Variants in GRIP2 observed in about 807,000 individuals in gnomAD.
GRIP2 encodes glutamate receptor-interacting protein 2.
In GRIP2, 58 loss-of-function variants were observed where a neutral mutation model predicts 108.3. That is an observed-to-expected ratio of 0.54 (90% CI 0.43 to 0.67). GRIP2 has a LOEUF of 0.67. Among genes scored for constraint, GRIP2 ranks in the 30% least tolerant of loss-of-function variants. The pLI, the probability that GRIP2 is intolerant of heterozygous loss-of-function variation, is 0.00. For missense variants in GRIP2, 1,278 were observed against 1,430.6 expected, an observed-to-expected ratio of 0.89 and a Z score of 1.72; for synonymous variants, 586 against 598.2, an observed-to-expected ratio of 0.98 and a Z score of 0.30.
chr3:14,498,402 G>T (rs1693675030), intron 21 of GRIP2, among the ~76,000 whole-genome samples: 1 of 152,160 alleles, frequency 6.6e-6, no homozygotes. Context: ...GGTGAAGGTT[G>T]CAGTGAGCTG....
At chr3:14,576,314 G>A in the GRIP2 span, among the ~76,000 whole-genome samples, 1 of 152,250 alleles carries the variant, frequency 6.6e-6, no homozygotes, top group South Asian at 2.1e-4. Flanking sequence ...AGATGCGGGT[G>A]CTGTGAGTCC....
the GRIP2 span, among the ~76,000 whole-genome samples, chr3:14,582,708 C>G: frequency 6.6e-6 from 1 of 152,208 alleles, no homozygotes; most frequent in Non-Finnish European, 1.5e-5. Context: ...TCTCATCATT[C>G]AGGAAGTCTT....
chr3:14,540,510 A>G, upstream of GRIP2: 1 of 1,247,826 alleles, frequency 8.0e-7, no homozygotes, highest in Non-Finnish European at 1.1e-6. This position sits in a 1 kb window ranked among gnomAD's most constrained non-coding sequence, Gnocchi z 4.1. Flanking sequence ...GACAGGGTCC[A>G]ACATGCCCCA....
Position 14,491,273 on chromosome 3 carries a change from C to T in GRIP2, c.*2392G>A, listed in dbSNP as rs1015241879. The T allele has an allele frequency of 1.6e-4, 24 of 152,334 alleles. No homozygotes were observed. Among genetic ancestry groups the T allele is most frequent in the Admixed American group, 8.5e-4 (13 of 15,296 alleles). 9.4% of individuals were successfully genotyped at this position (152,334 alleles called of 1,614,324 possible). On this transcript the variant is annotated 3_prime_UTR_variant, in exon 24 of 24. Coordinates refer to ENST00000621039, the MANE Select transcript of GRIP2 (RefSeq NM_001080423.4). The stretch of plus-strand genomic sequence containing the variant: ...GACTTAGACGAGGGCCCCAAACAGA[C>T]CATAAGCGGCCTTTGCAATACAGCC...
chr3:14,540,357 C>G, upstream of GRIP2: 1 of 1,612,012 alleles, frequency 6.2e-7, no homozygotes, highest in Non-Finnish European at 8.5e-7. The surrounding 1 kb of genome is among the most constrained non-coding windows in gnomAD (Gnocchi z 4.1). Context: ...GGGAGCCACG[C>G]TGCTTGGCCC....
At chr3:14,595,399 C>T in the GRIP2 span, among the ~76,000 whole-genome samples, 1 of 152,158 alleles carries the variant, frequency 6.6e-6, no homozygotes, top group South Asian at 2.1e-4. Context: ...ACTCTTCAGC[C>T]CCTCCCCCAC....
the GRIP2 span, among the ~76,000 whole-genome samples, chr3:14,562,035 TG>T: frequency 2.0e-5 from 3 of 152,198 alleles, no homozygotes; most frequent in Non-Finnish European, 4.4e-5. Context: ...AAATGACAGA[TG>T]TAACAGATAA....
Position 14,494,968 on chromosome 3 carries a change from T to C in GRIP2, c.2845A>G (p.Met949Val). The change falls in exon 23 of 24, where the codon ATG becomes GTG. Residue 949 changes from methionine (M) to valine (V), a missense_variant. Coordinates refer to ENST00000621039, the MANE Select transcript of GRIP2 (RefSeq NM_001080423.4). The part of the protein sequence containing the change: ...MHKVTLHKDP[M>V]RHDFGFSVSD... ...ACGCTGAAACCAAAGTCATGCCGCA[T>C]GGGGTCCTTGTGCAGGGTCACCTGG... 3 of 1,613,916 alleles carry C rather than the reference T, an allele frequency of 1.9e-6. No homozygotes were observed. Among genetic ancestry groups the C allele is most frequent in the Non-Finnish European group, 2.5e-6 (3 of 1,179,840 alleles).
At chr3:14,581,547 C>T in the GRIP2 span, among the ~76,000 whole-genome samples, 4 of 152,244 alleles carry the variant, frequency 2.6e-5, no homozygotes, top group African/African-American at 9.6e-5. Context: ...GCACGTGACC[C>T]CACACTGTCC....
chr3:14,552,605 C>G (rs1695168080), intron 1 of GRIP2, among the ~76,000 whole-genome samples: 1 of 149,510 alleles, frequency 6.7e-6, no homozygotes, highest in Admixed American at 6.7e-5. Flanking sequence ...ACAGCCAGAG[C>G]TTATTCTTTT....
chr3:14,580,914 G>C, the GRIP2 span, among the ~76,000 whole-genome samples: 1 of 152,198 alleles, frequency 6.6e-6, no homozygotes, highest in East Asian at 1.9e-4. Flanking sequence ...CAAAGATTGA[G>C]ATTCTCTAAA....
Position 14,505,034 on chromosome 3 carries a change from C to T in GRIP2, c.2573+581G>A, listed in dbSNP as rs1260168698. ...GCCTGAGAAAGACAGGGAAGCTTCC[C>T]AGAGGCAGGAGAATTTGAGCTGAGT... On this transcript the variant is annotated intron_variant, in intron 20 of 23. Transcript: ENST00000621039. This position sits in a 1 kb window ranked among gnomAD's most constrained non-coding sequence, Gnocchi z 4.2. Among the ~76,000 whole-genome samples the T allele has an allele frequency of 6.6e-6, 1 of 152,126 alleles. No homozygotes were observed. Among genetic ancestry groups the T allele is most frequent in the Non-Finnish European group, 1.5e-5 (1 of 68,018 alleles).
At chr3:14,527,414 GC>G (rs1694589462) in intron 1 of GRIP2, among the ~76,000 whole-genome samples, 3 of 71,072 alleles carry the variant, frequency 4.2e-5, no homozygotes, top group Admixed American at 1.8e-4. Context: ...AAGAAGGAAA[GC>G]GAGGGGAGGG....
the GRIP2 span, among the ~76,000 whole-genome samples, chr3:14,580,171 T>TC: frequency 2.0e-5 from 3 of 152,206 alleles, no homozygotes; most frequent in Non-Finnish European, 2.9e-5. Context: ...GAGCAGGTGC[T>TC]AAGCCAACAC....
chr3:14,536,878 TC>T (rs1694847841), intron 1 of GRIP2, among the ~76,000 whole-genome samples: 1 of 152,096 alleles, frequency 6.6e-6, no homozygotes, highest in Non-Finnish European at 1.5e-5. Context: ...CAACTGTCAG[TC>T]CCCGGTCCCC....
At chr3:14,542,406 A>C (rs1694991709), upstream of GRIP2, among the ~76,000 whole-genome samples, 1 of 152,010 alleles carries the variant, frequency 6.6e-6, no homozygotes, top group Non-Finnish European at 1.5e-5. Flanking sequence ...CTCAAAACAA[A>C]ATTTGCTCTC....
At chr3:14,590,839 T>G in the GRIP2 span, among the ~76,000 whole-genome samples, 1 of 152,160 alleles carries the variant, frequency 6.6e-6, no homozygotes, top group Non-Finnish European at 1.5e-5. Context: ...AAAGCAAAAA[T>G]GCAAACCCAG....
rs1023515615 is a variant in GRIP2, at chr3:14,520,930, G to A, written c.713-393C>T. The A allele has an allele frequency of 7.5e-5, 17 of 225,934 alleles. No homozygotes were observed. In the East Asian group the frequency reaches 1.3e-3, roughly 17 times the overall value. 14.0% of individuals were successfully genotyped at this position (225,934 alleles called of 1,614,324 possible). On this transcript the variant is annotated intron_variant, in intron 7 of 23. Transcript: ENST00000621039. The stretch of plus-strand genomic sequence containing the variant: ...GTGGCTGGAAATTAAAACTTTGGCC[G>A]CACCCTTAGCTCCTGCCCTCGCCCA...
chr3:14,540,651 C>T (rs567853777), upstream of GRIP2, among the ~76,000 whole-genome samples: 4 of 152,294 alleles, frequency 2.6e-5, no homozygotes, highest in Admixed American at 1.3e-4. This position sits in a 1 kb window ranked among gnomAD's most constrained non-coding sequence, Gnocchi z 4.1. Flanking sequence ...TCTTCCCTCA[C>T]TAGGCATCAG....
Sources: gnomAD v4.1 joint callset for allele counts (sites outside exome capture counted in the v4.1 genomes callset) on GRCh38, gnomAD v4.1.1 for gene constraint, Gnocchi (gnomAD v3.1) non-coding constraint, MANE v1.5 for transcripts, NCBI Gene and HGNC (gene_info 2026-07-23, HGNC 2026-07-21) for gene names.